The following ME3 variants were observed in gnomAD, a reference collection of about 807,000 sequenced individuals.
ME3 encodes the protein NADP-dependent malic enzyme, mitochondrial.
Under a neutral mutation model 68.9 loss-of-function variants are expected in ME3, and 48 were observed. The observed-to-expected ratio is 0.70, with a 90% CI of 0.55 to 0.89. ME3 has a LOEUF of 0.89. Ranked by LOEUF, ME3 falls within the 40% of genes least tolerant of loss-of-function variation. The pLI is 0.00. For missense variants in ME3, 675 were observed against 797.4 expected (o/e 0.85, Z 1.85); for synonymous variants, 320 against 318.8 (o/e 1.00, Z -0.04).
chr11:86,471,141 C>CTTTTTTTTTTTTTTT (rs1163128094), intron 7 of ME3, among the ~76,000 whole-genome samples: 3 of 75,044 alleles, frequency 4.0e-5, no homozygotes, highest in African/African-American at 1.9e-4. Context: ...AGGCCCAGAG[C>CTTTTTTTTTTTTTTT]TTTTTTTTTT....
intron 2 of ME3, among the ~76,000 whole-genome samples, chr11:86,654,233 C>G (rs916635659): frequency 2.6e-5 from 4 of 152,186 alleles, no homozygotes; most frequent in Non-Finnish European, 4.4e-5. Flanking sequence ...GGAATCCTCC[C>G]TAACTCATTT....
intron 4 of ME3, among the ~76,000 whole-genome samples, chr11:86,554,354 G>A (rs1956830902): frequency 1.3e-5 from 2 of 152,170 alleles, no homozygotes; most frequent in African/African-American, 4.8e-5. Context: ...GTCCTCTTCA[G>A]GAAAAAGCTG....
intron 2 of ME3, among the ~76,000 whole-genome samples, chr11:86,629,891 ATGT>A (rs1943906247): frequency 1.3e-5 from 2 of 152,194 alleles, no homozygotes; most frequent in African/African-American, 4.8e-5. Context: ...AACAGTCTAA[ATGT>A]GCACTGTTGA....
At chr11:86,498,161 A>C (rs1594187882) in intron 5 of ME3, 37 bp from the exon 6 acceptor site, 2 of 1,577,864 alleles carry the variant, frequency 1.3e-6, no homozygotes, top group South Asian at 2.3e-5. Context: ...CAGGGACAGC[A>C]CTTCCTGTGA....
chr11:86,633,634 G>A (rs767689474), intron 2 of ME3, among the ~76,000 whole-genome samples: 22 of 152,196 alleles, frequency 1.4e-4, no homozygotes, highest in Non-Finnish European at 2.6e-4. Context: ...ACTCTCATGG[G>A]TGTCTTGGCT....
chr11:86,671,037 A>G (rs939830241), intron 2 of ME3, among the ~76,000 whole-genome samples: 1 of 152,234 alleles, frequency 6.6e-6, no homozygotes, highest in South Asian at 2.1e-4. Context: ...ACTAAACTCT[A>G]TTCCCAAAAA....
chr11:86,625,249 A>G (rs1943588106), intron 2 of ME3, among the ~76,000 whole-genome samples: 1 of 152,028 alleles, frequency 6.6e-6, no homozygotes, highest in Admixed American at 6.6e-5. Flanking sequence ...AAGATCCAGC[A>G]CCCTGAGTTT....
intron 8 of ME3, among the ~76,000 whole-genome samples, chr11:86,452,599 G>T (rs531507445): frequency 6.6e-6 from 1 of 152,086 alleles, no homozygotes; most frequent in African/African-American, 2.4e-5. Flanking sequence ...GGTTGAGGAA[G>T]AAATTTATAA....
intron 2 of ME3, among the ~76,000 whole-genome samples, chr11:86,598,673 C>T (rs1056290070): frequency 4.6e-5 from 7 of 152,194 alleles, no homozygotes; most frequent in Non-Finnish European, 8.8e-5. Context: ...ACCCCGACCC[C>T]CAAGCAGCCT....
chr11:86,612,101 T>A (rs540854395), intron 2 of ME3, among the ~76,000 whole-genome samples: 1 of 152,270 alleles, frequency 6.6e-6, no homozygotes, highest in South Asian at 2.1e-4. Context: ...TGTGTGTTTT[T>A]CCTCTCTGTA....
chr11:86,499,431 T>C (rs1952576439), intron 5 of ME3, among the ~76,000 whole-genome samples: 1 of 152,188 alleles, frequency 6.6e-6, no homozygotes, highest in African/African-American at 2.4e-5. Flanking sequence ...CATTGGAACC[T>C]GGCTTTGGAT....
At chr11:86,659,152 C>T (rs988661930) in intron 2 of ME3, among the ~76,000 whole-genome samples, 1 of 152,212 alleles carries the variant, frequency 6.6e-6, no homozygotes, top group African/African-American at 2.4e-5. Flanking sequence ...ACACAGTCAT[C>T]AGAAACGGAC....
intron 2 of ME3, among the ~76,000 whole-genome samples, chr11:86,634,487 G>A (rs577885825): frequency 1.3e-5 from 2 of 152,194 alleles, no homozygotes; most frequent in Middle Eastern, 3.4e-3. Context: ...TCTTACTGTC[G>A]CTCAGCTTAC....
At chr11:86,524,833 A>T (rs1287627312) in intron 4 of ME3, among the ~76,000 whole-genome samples, 1 of 152,210 alleles carries the variant, frequency 6.6e-6, no homozygotes, top group Non-Finnish European at 1.5e-5. Context: ...GTCTGAAAGG[A>T]TTACTCATCA....
intron 2 of ME3, among the ~76,000 whole-genome samples, chr11:86,564,834 T>C (rs1233813816): frequency 6.6e-6 from 1 of 152,034 alleles, no homozygotes; most frequent in Non-Finnish European, 1.5e-5. Flanking sequence ...AAAAGAAAAA[T>C]TAGGTAAACT....
At chr11:86,573,333 T>C (rs1957911243) in intron 2 of ME3, among the ~76,000 whole-genome samples, 1 of 152,214 alleles carries the variant, frequency 6.6e-6, no homozygotes, top group Non-Finnish European at 1.5e-5. Context: ...CTTTTAGTGT[T>C]TTAGTCATAA....
At chr11:86,670,916 G>A (rs1473840868) in intron 2 of ME3, among the ~76,000 whole-genome samples, 1 of 152,200 alleles carries the variant, frequency 6.6e-6, no homozygotes, top group African/African-American at 2.4e-5. Context: ...AGAAAGTTGG[G>A]CCTCAGATAA....
chr11:86,598,910 C>CT (rs1186554284), intron 2 of ME3, among the ~76,000 whole-genome samples: 2 of 152,184 alleles, frequency 1.3e-5, no homozygotes, highest in African/African-American at 4.8e-5. Flanking sequence ...AGAAGGAAAA[C>CT]TAACGAACAG....
intron 4 of ME3, among the ~76,000 whole-genome samples, chr11:86,543,670 C>A (rs1393281721): frequency 1.3e-5 from 2 of 152,126 alleles, no homozygotes; most frequent in Non-Finnish European, 2.9e-5. Context: ...TCTTACAGAC[C>A]TACAAAGAGA....
Sources: gnomAD v4.1 joint callset for allele counts (sites outside exome capture counted in the v4.1 genomes callset) on GRCh38, gnomAD v4.1.1 for gene constraint, MANE v1.5 for transcripts, NCBI Gene and HGNC (gene_info 2026-07-23, HGNC 2026-07-21) for gene names.